The following NREP variants were observed in gnomAD, a reference collection of about 807,000 sequenced individuals.
NREP encodes the protein neuronal regeneration related protein, also known as neuronal regeneration-related protein.
Under a neutral mutation model 8.6 loss-of-function variants are expected in NREP, and 5 were observed. That is an observed-to-expected ratio of 0.58 (90% CI 0.30 to 1.22). The LOEUF is 1.22. NREP is among the 50% of genes most tolerant of loss of function. The pLI, the probability that NREP is intolerant of heterozygous loss-of-function variation, is 0.07. For missense variants in NREP, 86 were observed against 82.5 expected (o/e 1.04, Z -0.17); for synonymous variants, 27 against 28.0 (o/e 0.96, Z 0.11).
chr5:111,812,576 A>T (rs1366325249), intron 2 of NREP, among the ~76,000 whole-genome samples: 1 of 152,194 alleles, frequency 6.6e-6, no homozygotes, highest in East Asian at 1.9e-4. Flanking sequence ...GCAATGACTT[A>T]GAAGTAACAG....
chr5:111,806,473 A>C (rs1752143174), intron 2 of NREP, among the ~76,000 whole-genome samples: 1 of 152,216 alleles, frequency 6.6e-6, no homozygotes, highest in South Asian at 2.1e-4. Flanking sequence ...ACAGTAAATC[A>C]GCAGCCTTAA....
chr5:111,838,673 T>C (rs964141193), intron 2 of NREP, among the ~76,000 whole-genome samples: 3 of 152,086 alleles, frequency 2.0e-5, no homozygotes, highest in Admixed American at 6.6e-5. Context: ...GTCCCCACAA[T>C]TTTATAGATT....
At chr5:111,950,629 A>G (rs1389228493) in intron 2 of NREP, among the ~76,000 whole-genome samples, 2 of 151,942 alleles carry the variant, frequency 1.3e-5, no homozygotes, top group Admixed American at 6.6e-5. Flanking sequence ...ATGGGAGAAA[A>G]GTTTTGTAAG....
At chr5:111,831,865 T>C (rs2112936421) in intron 2 of NREP, among the ~76,000 whole-genome samples, 1 of 152,212 alleles carries the variant, frequency 6.6e-6, no homozygotes, top group South Asian at 2.1e-4. Flanking sequence ...AATAAAAACT[T>C]ATTTCTGGTG....
At chr5:111,810,778 C>T (rs1190434236) in intron 2 of NREP, among the ~76,000 whole-genome samples, 1 of 152,168 alleles carries the variant, frequency 6.6e-6, no homozygotes, top group Non-Finnish European at 1.5e-5. Flanking sequence ...AAGTTTCATA[C>T]ATACTGAGTC....
At chr5:111,761,065 C>T (rs527260511), upstream of NREP, among the ~76,000 whole-genome samples, 3 of 152,286 alleles carry the variant, frequency 2.0e-5, no homozygotes, top group Admixed American at 2.0e-4. Flanking sequence ...TCTATGTGGC[C>T]TTGGATAAGT....
chr5:111,851,747 T>C (rs1581165635), intron 2 of NREP, among the ~76,000 whole-genome samples: 2 of 152,266 alleles, frequency 1.3e-5, no homozygotes, highest in South Asian at 4.1e-4. Context: ...TATTGTATTC[T>C]TGAAAAATGC....
intron 2 of NREP, among the ~76,000 whole-genome samples, chr5:111,966,652 A>C (rs1756651490): frequency 6.6e-6 from 1 of 152,236 alleles, no homozygotes; most frequent in African/African-American, 2.4e-5. Flanking sequence ...AGGAGAATTA[A>C]AGCAGAAAAC....
At chr5:111,888,557 C>T (rs970135736) in intron 2 of NREP, among the ~76,000 whole-genome samples, 9 of 152,134 alleles carry the variant, frequency 5.9e-5, no homozygotes, top group African/African-American at 1.9e-4. Context: ...CCACCTTTGA[C>T]ATGTGGGGAT....
intron 3 of NREP, chr5:111,734,387 C>T (rs1031133372): frequency 1.0e-5 from 2 of 193,910 alleles, no homozygotes; most frequent in Non-Finnish European, 2.1e-5. Flanking sequence ...TTTTAGCTCT[C>T]TTCCACTCCA....
intron 2 of NREP, among the ~76,000 whole-genome samples, chr5:111,841,683 A>G (rs1426640910): frequency 2.0e-5 from 3 of 152,024 alleles, no homozygotes; most frequent in African/African-American, 7.2e-5. Flanking sequence ...AATTATATGT[A>G]GGGGTTTGTT....
chr5:111,745,729 G>A (rs764162315), intron 2 of NREP, among the ~76,000 whole-genome samples: 1 of 152,074 alleles, frequency 6.6e-6, no homozygotes, highest in Non-Finnish European at 1.5e-5. Context: ...ACCATATACT[G>A]CATAAAAATA....
At position 111,885,140 on chromosome 5, in the gene NREP, A is replaced by G. The variant is rs56734671; in HGVS notation, c.135+90134T>C. 5.2e-3 allele frequency among the ~76,000 whole-genome samples: 794 copies of G among 152,152 alleles called. 6 individuals are homozygous for G. The highest frequency in any genetic ancestry group is 0.019 in the African/African-American group (768 of 41,500). The stretch of plus-strand genomic sequence containing the variant: ...ACTTCAGCAAAGTCTCAGGATACAA[A>G]ATCAATGTGCAAAAATCACAAGCAT... On this transcript the variant is annotated intron_variant, in intron 2 of 3. Coordinates refer to the NREP transcript ENST00000395634.
At chr5:111,774,059 C>G (rs758636554) in intron 2 of NREP, among the ~76,000 whole-genome samples, 16 of 152,096 alleles carry the variant, frequency 1.1e-4, no homozygotes, top group Non-Finnish European at 1.9e-4. Context: ...AATATGTATT[C>G]CCAGAATTTA....
intron 2 of NREP, among the ~76,000 whole-genome samples, chr5:111,878,341 C>T (rs563213549): frequency 5.9e-5 from 9 of 152,230 alleles, no homozygotes; most frequent in Admixed American, 3.3e-4. Flanking sequence ...GTAATCATGG[C>T]TGAAGGGAAG....
intron 2 of NREP, among the ~76,000 whole-genome samples, chr5:111,932,442 CTAAGTTTAGACTTAGATCT>C (rs1158893881): frequency 6.6e-6 from 1 of 152,092 alleles, no homozygotes; most frequent in East Asian, 1.9e-4. Flanking sequence ...TCCACAGCAT[CTAAGTTTAGACTTAGATCT>C]TGAGTCAGAA....
chr5:111,870,675 G>A (rs1753768743), intron 2 of NREP, among the ~76,000 whole-genome samples: 1 of 152,054 alleles, frequency 6.6e-6, no homozygotes, highest in African/African-American at 2.4e-5. Flanking sequence ...GATATAATCC[G>A]TTAAGACAAG....
At chr5:111,844,911 C>A (rs898459572) in intron 2 of NREP, among the ~76,000 whole-genome samples, 2 of 151,282 alleles carry the variant, frequency 1.3e-5, no homozygotes, top group African/African-American at 2.4e-5. Flanking sequence ...ATATATTTAT[C>A]TATTATTATG....
At chr5:111,970,652 C>A (rs1405701554) in intron 2 of NREP, among the ~76,000 whole-genome samples, 1 of 151,810 alleles carries the variant, frequency 6.6e-6, no homozygotes, top group Non-Finnish European at 1.5e-5. Flanking sequence ...ATGGTGAAAC[C>A]CCGCCTCCAC....
Sources: allele counts gnomAD v4.1 joint callset (sites outside exome capture counted in the v4.1 genomes callset), GRCh38; gene constraint gnomAD v4.1.1; transcripts MANE v1.5; gene names NCBI Gene and HGNC (gene_info 2026-07-23, HGNC 2026-07-21).